The following CELF2 variants were observed in gnomAD, a reference collection of about 807,000 sequenced individuals.
CELF2 encodes CUGBP Elav-like family member 2.
CELF2 carries 8 observed loss-of-function variants against 62.6 expected under a neutral mutation model. The observed-to-expected ratio is 0.13, with a 90% confidence interval of 0.07 to 0.23. The LOEUF is 0.23. Ranked by LOEUF, CELF2 falls within the 10% of genes least tolerant of loss-of-function variation. The pLI, the probability that CELF2 is intolerant of heterozygous loss-of-function variation, is 1.00. For synonymous variants in CELF2, 258 were observed against 250.0 expected (o/e 1.03, Z -0.30); for missense variants, 333 against 671.0 (o/e 0.50, Z 5.56).
chr10:11,108,218 A>G (rs2054157079), intron 1 of CELF2, among the ~76,000 whole-genome samples: 1 of 149,224 alleles, frequency 6.7e-6, no homozygotes. Flanking sequence ...CTCCCTGCTC[A>G]TTCCCTTCAC....
chr10:11,055,688 T>A (rs1209266475), intron 1 of CELF2, among the ~76,000 whole-genome samples: 1 of 152,230 alleles, frequency 6.6e-6, no homozygotes, highest in Non-Finnish European at 1.5e-5. Flanking sequence ...TCCCGATTGC[T>A]CTCCCAAACT....
In CELF2 at chr10:10,972,370, A is replaced by G. The variant is rs1191653824; in HGVS notation, c.89+52371A>G. Among the ~76,000 whole-genome samples, 3 of 151,952 alleles carry G rather than the reference A, an allele frequency of 2.0e-5. No individual in the cohort carries two copies. The highest frequency in any genetic ancestry group is 6.5e-5 in the Admixed American group (1 of 15,268). ...AAGCTGTTTTGCTTTAACCTGGAAA[A>G]CTCATCTTATTTAAAACTAGGAATA... On this transcript the variant is annotated intron_variant, in intron 2 of 13. Coordinates refer to the CELF2 transcript ENST00000636488. The surrounding 1 kb of genome is among the most constrained non-coding windows in gnomAD (Gnocchi z 4.4).
At chr10:10,588,911 A>G in the CELF2 span, among the ~76,000 whole-genome samples, 9,717 of 152,212 alleles carry the variant, frequency 0.064, 989 homozygotes, top group African/African-American at 0.22. Flanking sequence ...TGATGTTTCC[A>G]TGCACATCAA....
the CELF2 span, among the ~76,000 whole-genome samples, chr10:10,537,619 G>A: frequency 2.6e-5 from 4 of 152,134 alleles, no homozygotes; most frequent in Admixed American, 2.6e-4. Flanking sequence ...GGGTGATCCT[G>A]GAAGTTTTTG....
intron 1 of CELF2, among the ~76,000 whole-genome samples, chr10:10,862,302 C>T (rs564878636): frequency 6.6e-6 from 1 of 152,152 alleles, no homozygotes; most frequent in Non-Finnish European, 1.5e-5. Context: ...CTTAGGGTCT[C>T]TCATGTAGCT....
the CELF2 span, among the ~76,000 whole-genome samples, chr10:10,496,390 T>C: frequency 6.6e-6 from 1 of 152,226 alleles, no homozygotes; most frequent in Admixed American, 6.5e-5. Context: ...TAGTCTCCTT[T>C]TCTTGCTGCA....
chr10:11,197,922 C>T (rs1192737052), intron 2 of CELF2, among the ~76,000 whole-genome samples: 1 of 152,188 alleles, frequency 6.6e-6, no homozygotes, highest in Non-Finnish European at 1.5e-5. Context: ...TTTGTGGCAG[C>T]TTCAAGGCAG....
rs185913226 is a variant in CELF2 at position 11,323,505 on chromosome 10, G to A, written c.1294+2119G>A. 1.2e-4 allele frequency among the ~76,000 whole-genome samples: 18 copies of A among 151,824 alleles called. No individual in the cohort carries two copies. In the South Asian group the frequency reaches 3.5e-3, roughly 30 times the overall value. On this transcript the variant is annotated intron_variant, in intron 11 of 12. Transcript: ENST00000633077. ...ACTCCACAGTTCAGTCCGAGGTTGC[G>A]AGACCTGGTGTGTTTTTTCCCCAGA...
intron 7 of CELF2, among the ~76,000 whole-genome samples, chr10:11,273,461 T>C (rs1189670406): frequency 1.3e-5 from 2 of 152,008 alleles, no homozygotes; most frequent in Non-Finnish European, 2.9e-5. Flanking sequence ...CTCAAAACCT[T>C]CCCCTCAACC....
the CELF2 span, among the ~76,000 whole-genome samples, chr10:10,781,438 G>T: frequency 6.6e-6 from 1 of 152,198 alleles, no homozygotes; most frequent in Admixed American, 6.5e-5. Context: ...TGGCTGGGGA[G>T]GCCTCACAAT....
At position 11,069,569 on chromosome 10, in the gene CELF2, G is replaced by A. The variant is rs147054064; in HGVS notation, c.74+51406G>A. On this transcript the variant is annotated intron_variant, in intron 1 of 12. Transcript: ENST00000633077. ...CATTCTGTTTTTGCTAGAAGGACAT[G>A]TGACAAATTATTTCATCTTTTAAGA... Among the ~76,000 whole-genome samples, 42 of 152,338 alleles carry A rather than the reference G, an allele frequency of 2.8e-4. No individual in the cohort carries two copies. In the East Asian group the frequency reaches 7.9e-3, roughly 29 times the overall value.
intron 1 of CELF2, among the ~76,000 whole-genome samples, chr10:11,083,812 A>G (rs1443354179): frequency 6.6e-6 from 1 of 152,200 alleles, no homozygotes; most frequent in Non-Finnish European, 1.5e-5. Context: ...GGGGATGATG[A>G]TGCCATTTTC....
the CELF2 span, among the ~76,000 whole-genome samples, chr10:10,527,445 T>G: frequency 3.7e-5 from 1 of 27,214 alleles, no homozygotes; most frequent in Admixed American, 3.6e-4. Context: ...AAACTCTGTC[T>G]CAAAAAAAAA....
intron 1 of CELF2, among the ~76,000 whole-genome samples, chr10:11,086,116 C>A (rs1363133233): frequency 6.6e-6 from 1 of 152,088 alleles, no homozygotes; most frequent in East Asian, 1.9e-4. Flanking sequence ...TCATGGTGTT[C>A]TAATACACGG....
chr10:10,481,532 C>T, the CELF2 span, among the ~76,000 whole-genome samples: 1 of 152,208 alleles, frequency 6.6e-6, no homozygotes, highest in Non-Finnish European at 1.5e-5. Flanking sequence ...CCCCACACTC[C>T]ATTTCCCCCT....
the CELF2 span, among the ~76,000 whole-genome samples, chr10:10,668,643 T>C: frequency 6.6e-6 from 1 of 152,190 alleles, no homozygotes; most frequent in Non-Finnish European, 1.5e-5. Context: ...ATTATTTGCT[T>C]TTCATTTATT....
At chr10:11,258,786 A>G (rs1362489743) in intron 5 of CELF2, among the ~76,000 whole-genome samples, 3 of 152,212 alleles carry the variant, frequency 2.0e-5, no homozygotes, top group African/African-American at 7.2e-5. Flanking sequence ...TCCCAGGTTC[A>G]AGCAATTCCC....
the CELF2 span, among the ~76,000 whole-genome samples, chr10:10,491,499 C>T: frequency 6.6e-6 from 1 of 152,150 alleles, no homozygotes; most frequent in Non-Finnish European, 1.5e-5. Flanking sequence ...CCTGTGTTTT[C>T]CTAAATATGG....
rs1050211296 is a variant in CELF2, at chr10:11,332,960, G to T, written c.*3907G>T. The stretch of plus-strand genomic sequence containing the variant: ...CACGGTGTGTCTCGACACGTACCAC[G>T]TACGTGGAAACACAAGAGCCCACCA... On this transcript the variant is annotated 3_prime_UTR_variant, in exon 13 of 13. Transcript: ENST00000633077. 6.6e-6 allele frequency: 1 copy of T among 152,574 alleles called. No homozygotes were observed. Among genetic ancestry groups the T allele is most frequent in the African/African-American group, 2.4e-5 (1 of 41,418 alleles). The allele number at this position is 152,574 out of a possible 1,614,324, so 9.5% of individuals were successfully genotyped here.
Sources: gnomAD v4.1 joint callset for allele counts (sites outside exome capture counted in the v4.1 genomes callset) on GRCh38, gnomAD v4.1.1 for gene constraint, Gnocchi (gnomAD v3.1) non-coding constraint, MANE v1.5 for transcripts, NCBI Gene and HGNC (gene_info 2026-07-23, HGNC 2026-07-21) for gene names.